NAIP: variants seen among roughly 807,000 people sequenced by gnomAD.
NAIP encodes NLR family apoptosis inhibitory protein.
In NAIP, 15 loss-of-function variants were observed where a neutral mutation model predicts 23.0. That is an observed-to-expected ratio of 0.65 (90% CI 0.44 to 1.00). The LOEUF (loss-of-function observed/expected upper bound fraction) is 1.00, where lower values mean the gene tolerates loss of function less well. Among genes scored for constraint, NAIP ranks in the 50% least tolerant of loss-of-function variants. NAIP has a pLI of 0.00. For synonymous variants in NAIP, 100 were observed against 100.2 expected (o/e 1.00, Z 0.01); for missense variants, 265 against 278.8 (o/e 0.95, Z 0.35).
chr5:71,011,035 C>A (rs1751126817), intron 5 of NAIP, among the ~76,000 whole-genome samples: 1 of 150,932 alleles, frequency 6.6e-6, no homozygotes, highest in South Asian at 2.1e-4. Flanking sequence ...GAGCTCAAGA[C>A]CAGCCTGGGC....
intron 3 of NAIP, among the ~76,000 whole-genome samples, chr5:71,016,098 G>A (rs1211956032): frequency 6.7e-6 from 1 of 149,786 alleles, no homozygotes; most frequent in Non-Finnish European, 1.5e-5. Flanking sequence ...GGGCAACATA[G>A]CTAGACCCTG....
intron 5 of NAIP, among the ~76,000 whole-genome samples, chr5:71,009,546 C>A (rs970654245): frequency 6.6e-6 from 1 of 150,886 alleles, no homozygotes; most frequent in African/African-American, 2.4e-5. Context: ...CAAAAATTAG[C>A]CAGGTGTGGT....
At chr5:71,010,451 G>A (rs1404342936) in intron 5 of NAIP, among the ~76,000 whole-genome samples, 6 of 151,542 alleles carry the variant, frequency 4.0e-5, no homozygotes, top group African/African-American at 1.5e-4. Flanking sequence ...TGTATTTTTA[G>A]TAGAGACATG....
At chr5:71,002,628 GGA>G (rs1750861170) in intron 6 of NAIP, among the ~76,000 whole-genome samples, 1 of 79,944 alleles carries the variant, frequency 1.3e-5, no homozygotes. Flanking sequence ...ATGTTAGCCA[GGA>G]TGGTCTCTAT....
At chr5:71,002,349 AT>A (rs1358622347) in intron 6 of NAIP, among the ~76,000 whole-genome samples, 177 of 26,624 alleles carry the variant, frequency 6.6e-3, no homozygotes, top group African/African-American at 0.019. Context: ...CACCCGGCTA[AT>A]TTTTTTTTTT....
intron 3 of NAIP, among the ~76,000 whole-genome samples, chr5:71,016,460 AACT>A (rs1751454199): frequency 6.6e-6 from 1 of 151,562 alleles, no homozygotes; most frequent in Admixed American, 6.6e-5. Flanking sequence ...AGCCCTAGGC[AACT>A]ACTATGTTAC....
chr5:71,002,587 T>TTG (rs1750858555), intron 6 of NAIP, among the ~76,000 whole-genome samples: 1 of 133,962 alleles, frequency 7.5e-6, no homozygotes, highest in African/African-American at 2.6e-5. Flanking sequence ...TTTTTTTTTT[T>TTG]TTGTATTTTT....
rs1321637089 is a variant in NAIP at position 70,979,585 on chromosome 5, AAT to A, written c.3442+282_3442+283del. 2.1e-3 allele frequency among the ~76,000 whole-genome samples: 85 copies of A among 40,338 alleles called. 14 individuals are homozygous for A. The highest frequency in any genetic ancestry group is 8.4e-3 in the African/African-American group (74 of 8,810). 26.5% of individuals were successfully genotyped at this position (40,338 alleles called of 152,430 possible). Reference sequence around the variant, plus strand: ...GGGAGACTGTCTCAAAAAAAAAAAAAATAATAATAATAATAATAATAATAATA... The same window carrying A: ...GGGAGACTGTCTCAAAAAAAAAAAAAAATAATAATAATAATAATAATAATA... On this transcript the variant is annotated intron_variant, in intron 13 of 16. Coordinates refer to ENST00000517649, the MANE Select transcript of NAIP (RefSeq NM_004536.3).
intron 4 of NAIP, chr5:71,011,608 C>A: frequency 3.7e-6 from 2 of 540,932 alleles, no homozygotes; most frequent in Non-Finnish European, 6.6e-6. Flanking sequence ...CCCCAGCTGC[C>A]CCCCAGAGCT....
At chr5:71,014,005 G>A (rs1379513849) in intron 3 of NAIP, among the ~76,000 whole-genome samples, 1 of 151,380 alleles carries the variant, frequency 6.6e-6, no homozygotes, top group Non-Finnish European at 1.5e-5. Context: ...CCAAGAAATT[G>A]AACTAATTTT....
chr5:71,011,460 G>T, intron 4 of NAIP, 86 bp from the exon 5 acceptor site: 1 of 1,135,754 alleles, frequency 8.8e-7, no homozygotes, highest in Non-Finnish European at 1.3e-6. Flanking sequence ...TCAGGAGCAA[G>T]ACAAGCTCCA....
chr5:71,009,588 G>C lies in NAIP; in HGVS notation c.668+1687C>G, dbSNP rs143512179. Reference sequence around the variant, plus strand: ...TGCCTGTAATCTCAGTTACTCGGAGGCTGAGGCACAAGAATCACTTGTACC... The same window carrying C: ...TGCCTGTAATCTCAGTTACTCGGAGCCTGAGGCACAAGAATCACTTGTACC... On this transcript the variant is annotated intron_variant, in intron 5 of 16. Coordinates refer to ENST00000517649, the MANE Select transcript of NAIP (RefSeq NM_004536.3). Among the ~76,000 whole-genome samples, 120 of 151,388 alleles carry C rather than the reference G, an allele frequency of 7.9e-4. 3 individuals are homozygous for C. The highest frequency in any genetic ancestry group is 2.7e-3 in the African/African-American group (110 of 41,306).
intron 13 of NAIP, among the ~76,000 whole-genome samples, chr5:70,978,130 C>CACACACATAT (rs1342843444): frequency 8.5e-5 from 3 of 35,390 alleles, no homozygotes; most frequent in African/African-American, 2.3e-4. Context: ...CACACACACA[C>CACACACATAT]ATATATATAT....
At chr5:70,977,881 G>C (rs1229930706) in intron 13 of NAIP, among the ~76,000 whole-genome samples, 11 of 116,088 alleles carry the variant, frequency 9.5e-5, no homozygotes, top group Non-Finnish European at 7.9e-5. Context: ...TGTAATCCCA[G>C]CTACTTGGGA....
intron 3 of NAIP, among the ~76,000 whole-genome samples, chr5:71,016,492 T>A (rs1444172121): frequency 6.6e-6 from 1 of 151,836 alleles, no homozygotes; most frequent in Non-Finnish European, 1.5e-5. Context: ...TCTATAGATT[T>A]GCCTACTGGG....
Position 70,979,596 on chromosome 5 carries a change from T to A in NAIP, c.3442+273A>T, listed in dbSNP as rs866880929. Among the ~76,000 whole-genome samples the A allele has an allele frequency of 4.0e-3, 348 of 86,250 alleles. 29 individuals carry two copies. Among genetic ancestry groups the A allele is most frequent in the Middle Eastern group, 8.3e-3 (2 of 242 alleles). The allele number at this position is 86,250 out of a possible 152,430, so 56.6% of individuals were successfully genotyped here. A position where few individuals can be genotyped will look rare whatever the true frequency, so the allele number is the denominator to read the frequency against. On this transcript the variant is annotated intron_variant, in intron 13 of 16. Transcript: ENST00000517649. ...TCAAAAAAAAAAAAAATAATAATAA[T>A]AATAATAATAATAATAGTACTTCAT... is the stretch of plus-strand genomic sequence containing the variant.
intron 5 of NAIP, among the ~76,000 whole-genome samples, chr5:71,008,133 G>C (rs143841352): frequency 7.2e-6 from 1 of 138,732 alleles, no homozygotes; most frequent in Non-Finnish European, 1.6e-5. Flanking sequence ...GCAGTGGTGC[G>C]ATCTCAGCTC....
intron 4 of NAIP, 66 bp from the exon 5 acceptor site, chr5:71,011,440 A>T: frequency 7.6e-7 from 1 of 1,314,126 alleles, no homozygotes; most frequent in Non-Finnish European, 1.1e-6. Flanking sequence ...CACAGAGTTG[A>T]TTGTTTTGTT....
chr5:70,977,770 A>G (rs1750336090), intron 13 of NAIP, among the ~76,000 whole-genome samples: 1 of 136,672 alleles, frequency 7.3e-6, no homozygotes, highest in African/African-American at 2.6e-5. Flanking sequence ...AGGTGGGCGG[A>G]TCACCTGAGG....
Sources: gnomAD v4.1 joint callset for allele counts (sites outside exome capture counted in the v4.1 genomes callset) on GRCh38, gnomAD v4.1.1 for gene constraint, MANE v1.5 for transcripts, NCBI Gene and HGNC (gene_info 2026-07-23, HGNC 2026-07-21) for gene names.